PARD3: variants seen among roughly 807,000 people sequenced by gnomAD.
The protein encoded by PARD3 is partitioning defective 3 homolog.
PARD3 carries 75 observed loss-of-function variants against 155.4 expected under a neutral mutation model. That is an observed-to-expected ratio of 0.48 (90% CI 0.40 to 0.58). PARD3 has a LOEUF of 0.58. Among genes scored for constraint, PARD3 ranks in the 20% least tolerant of loss-of-function variants. The probability of loss-of-function intolerance (pLI) is 0.00; values close to 1 mark genes in which losing one functional copy is unlikely to be tolerated. For missense variants in PARD3, 1,642 were observed against 1,721.7 expected (o/e 0.95, Z 0.82); for synonymous variants, 576 against 610.5 (o/e 0.94, Z 0.83).
chr10:34,333,821 G>A (rs1245043561), intron 18 of PARD3, among the ~76,000 whole-genome samples: 20 of 151,914 alleles, frequency 1.3e-4, no homozygotes, highest in Non-Finnish European at 2.9e-4. Flanking sequence ...TATAATATGA[G>A]TAACATACAC....
intron 22 of PARD3, among the ~76,000 whole-genome samples, chr10:34,268,134 G>A (rs191961146): frequency 5.9e-5 from 6 of 101,376 alleles, no homozygotes; most frequent in Non-Finnish European, 9.6e-5. Flanking sequence ...ATGAAAGAGC[G>A]GGAAAAGATC....
At chr10:34,256,607 G>A (rs1248736306) in intron 22 of PARD3, among the ~76,000 whole-genome samples, 1 of 152,118 alleles carries the variant, frequency 6.6e-6, no homozygotes, top group Non-Finnish European at 1.5e-5. Flanking sequence ...GCAACTACCT[G>A]GTCCCAAAGC....
At chr10:34,496,260 A>G (rs1180553452) in intron 3 of PARD3, among the ~76,000 whole-genome samples, 1 of 152,152 alleles carries the variant, frequency 6.6e-6, no homozygotes, top group Non-Finnish European at 1.5e-5. Flanking sequence ...ATAAAGAAAC[A>G]GATGAAATTA....
At chr10:34,629,468 T>C (rs573384597) in intron 2 of PARD3, among the ~76,000 whole-genome samples, 4 of 152,286 alleles carry the variant, frequency 2.6e-5, no homozygotes, top group African/African-American at 4.8e-5. Context: ...CACACACACA[T>C]ACACACGTTA....
At chr10:34,756,450 GC>G (rs1202787051) in intron 1 of PARD3, among the ~76,000 whole-genome samples, 1 of 120,508 alleles carries the variant, frequency 8.3e-6, no homozygotes, top group Non-Finnish European at 1.6e-5. Flanking sequence ...ACCGCGCCCA[GC>G]CAATGCACCT....
At chr10:34,354,941 T>G (rs183046985) in intron 14 of PARD3, among the ~76,000 whole-genome samples, 22 of 152,294 alleles carry the variant, frequency 1.4e-4, no homozygotes, top group Admixed American at 1.4e-3. Context: ...AAAGCCTGAT[T>G]GCAGAGAAAA....
chr10:34,292,719 ATTATTTT>A (rs1956732454), intron 20 of PARD3, among the ~76,000 whole-genome samples: 1 of 150,440 alleles, frequency 6.6e-6, no homozygotes, highest in African/African-American at 2.4e-5. Context: ...CTTTATTATT[ATTATTTT>A]TTTTTTTAAA....
intron 22 of PARD3, among the ~76,000 whole-genome samples, chr10:34,155,968 G>A (rs565077960): frequency 2.6e-5 from 4 of 152,248 alleles, no homozygotes; most frequent in Admixed American, 2.0e-4. Flanking sequence ...AGAGGTCACA[G>A]CTCCCACCTG....
chr10:34,654,713 T>G (rs903218988), intron 2 of PARD3, among the ~76,000 whole-genome samples: 4 of 152,178 alleles, frequency 2.6e-5, no homozygotes, highest in Admixed American at 1.3e-4. Context: ...TTTCAAGATC[T>G]TCCATCCTAC....
At chr10:34,235,537 C>T (rs1564506602) in intron 22 of PARD3, among the ~76,000 whole-genome samples, 1 of 152,114 alleles carries the variant, frequency 6.6e-6, no homozygotes, top group East Asian at 1.9e-4. Flanking sequence ...GGATAATTTG[C>T]TTTTTTTCCC....
At chr10:34,214,093 G>T (rs535197262) in intron 22 of PARD3, among the ~76,000 whole-genome samples, 1 of 151,046 alleles carries the variant, frequency 6.6e-6, no homozygotes, top group African/African-American at 2.4e-5. Flanking sequence ...TAGAGACGGG[G>T]TTTTGCTATG....
At chr10:34,573,708 AAAACAAAC>A (rs147826859) in intron 2 of PARD3, among the ~76,000 whole-genome samples, 8 of 127,038 alleles carry the variant, frequency 6.3e-5, no homozygotes, top group South Asian at 3.1e-4. Flanking sequence ...CTCCGTCTCA[AAAACAAAC>A]AAACAAACAA....
At chr10:34,268,614 T>C (rs908384495) in intron 22 of PARD3, among the ~76,000 whole-genome samples, 2 of 152,110 alleles carry the variant, frequency 1.3e-5, no homozygotes, top group African/African-American at 4.8e-5. Flanking sequence ...AAGGATGAGT[T>C]CATGTCCTTT....
At chr10:34,709,463 A>G (rs888651383) in intron 1 of PARD3, among the ~76,000 whole-genome samples, 1 of 152,236 alleles carries the variant, frequency 6.6e-6, no homozygotes, top group Admixed American at 6.5e-5. Flanking sequence ...AATGCAAATC[A>G]TCTCAAGTAT....
intron 3 of PARD3, among the ~76,000 whole-genome samples, chr10:34,497,300 T>C (rs1271707826): frequency 6.6e-6 from 1 of 152,176 alleles, no homozygotes; most frequent in Non-Finnish European, 1.5e-5. Flanking sequence ...CAATATAGTA[T>C]AACAACTATT....
intron 1 of PARD3, among the ~76,000 whole-genome samples, chr10:34,777,003 ATTT>A (rs758917237): frequency 3.3e-5 from 4 of 122,406 alleles, no homozygotes; most frequent in Non-Finnish European, 1.7e-5. Context: ...TGTCTGGCTA[ATTT>A]TTTTTTTTTT....
At chr10:34,417,663 T>A (rs1238217114) in intron 5 of PARD3, among the ~76,000 whole-genome samples, 1 of 152,232 alleles carries the variant, frequency 6.6e-6, no homozygotes, top group Non-Finnish European at 1.5e-5. Context: ...TTTATCTTAA[T>A]GGTTTTCAAT....
At chr10:34,474,252 T>C (rs1392724406) in intron 3 of PARD3, among the ~76,000 whole-genome samples, 1 of 152,182 alleles carries the variant, frequency 6.6e-6, no homozygotes, top group Non-Finnish European at 1.5e-5. Context: ...TGGTTGGAAG[T>C]GCTGTAAGAC....
intron 22 of PARD3, among the ~76,000 whole-genome samples, chr10:34,241,955 T>A (rs1332600615): frequency 2.0e-5 from 3 of 150,708 alleles, no homozygotes; most frequent in Admixed American, 6.6e-5. Flanking sequence ...GAGTCTCTTT[T>A]AAAAAAAAAA....
Sources: allele counts gnomAD v4.1 joint callset (sites outside exome capture counted in the v4.1 genomes callset), GRCh38; gene constraint gnomAD v4.1.1; transcripts MANE v1.5; gene names NCBI Gene and HGNC (gene_info 2026-07-23, HGNC 2026-07-21).